YWHAZ: variants seen among roughly 807,000 people sequenced by gnomAD.
YWHAZ encodes the protein 14-3-3 protein zeta/delta.
For missense variants in YWHAZ, 79 were observed against 284.8 expected, an observed-to-expected ratio of 0.28 and a Z score of 5.20; for synonymous variants, 87 against 103.6, an observed-to-expected ratio of 0.84 and a Z score of 0.97.
At chr8:100,949,597 C>A (rs1810557157) in intron 1 of YWHAZ, among the ~76,000 whole-genome samples, 1 of 152,176 alleles carries the variant, frequency 6.6e-6, no homozygotes, top group Admixed American at 6.5e-5. Context: ...TATATGTCCA[C>A]ATGCTTTAAA....
At position 100,948,614 on chromosome 8, in the gene YWHAZ, A is replaced by C; in HGVS notation, c.276T>G (p.Asp92Glu). 1.2e-6 allele frequency: 2 copies of C among 1,611,372 alleles called. No homozygotes were observed. Among genetic ancestry groups the C allele is most frequent in the Non-Finnish European group, 1.7e-6 (2 of 1,179,824 alleles). ...TTCTCACCAGTACATCATTGCAGATATCTCTTAGCTCCGTCTCAATTTTCT... is the reference window on the plus strand; with the variant it reads ...TTCTCACCAGTACATCATTGCAGATCTCTCTTAGCTCCGTCTCAATTTTCT... The part of the protein sequence containing the change: ...YREKIETELR[D>E]ICNDVLSLLE... Residue 92 changes from aspartate (D) to glutamate (E), a missense_variant, in exon 2 of 6, where the codon GAT becomes GAG. Transcript: ENST00000395958. This position sits in a 1 kb window ranked among gnomAD's most constrained non-coding sequence, Gnocchi z 4.2.
At chr8:100,930,449 T>C (rs1430117126) in intron 2 of YWHAZ, among the ~76,000 whole-genome samples, 3 of 152,176 alleles carry the variant, frequency 2.0e-5, no homozygotes, top group East Asian at 3.8e-4. Flanking sequence ...ACTTGTAAAA[T>C]TTTTCAATTA....
chr8:100,941,774 G>GA (rs1359282157), intron 2 of YWHAZ, among the ~76,000 whole-genome samples: 4 of 145,082 alleles, frequency 2.8e-5, no homozygotes, highest in African/African-American at 1.0e-4. Context: ...GACAAGGTGA[G>GA]ACTGCTATCT....
chr8:100,947,471 T>C lies in YWHAZ; in HGVS notation c.294+1125A>G, dbSNP rs556486682. Among the ~76,000 whole-genome samples the C allele has an allele frequency of 2.6e-5, 4 of 152,064 alleles. No homozygotes were observed. In the East Asian group the frequency reaches 5.8e-4, roughly 22 times the overall value. On this transcript the variant is annotated intron_variant, in intron 2 of 5. Transcript: ENST00000395958. Reference sequence around the variant, plus strand: ...TTGAGTTTGTGGCTGTGAACCCAAATAAGCATGTTTAAAAAATCACTATTC... The same window carrying C: ...TTGAGTTTGTGGCTGTGAACCCAAACAAGCATGTTTAAAAAATCACTATTC...
intron 2 of YWHAZ, among the ~76,000 whole-genome samples, chr8:100,941,423 A>C (rs888987883): frequency 6.6e-6 from 1 of 152,240 alleles, no homozygotes; most frequent in African/African-American, 2.4e-5. Context: ...GTTCCTTGGT[A>C]TAACGCTAAT....
At chr8:100,925,942 C>A (rs1457784261) in intron 2 of YWHAZ, among the ~76,000 whole-genome samples, 1 of 151,872 alleles carries the variant, frequency 6.6e-6, no homozygotes, top group Admixed American at 6.6e-5. Flanking sequence ...AGCAAAAAAA[C>A]CCCAACCACC....
chr8:100,947,268 A>AC (rs1413172652), intron 2 of YWHAZ, among the ~76,000 whole-genome samples: 62 of 151,482 alleles, frequency 4.1e-4, no homozygotes, highest in African/African-American at 1.5e-3. Context: ...AAAAAAAAAA[A>AC]CAAAAAACAA....
chr8:100,951,279 G>A (rs941892715), intron 1 of YWHAZ: 2 of 984,666 alleles, frequency 2.0e-6, no homozygotes, highest in Non-Finnish European at 2.4e-6. Context: ...GCCCGCTCTC[G>A]GCCAGGCCTT....
chr8:100,942,794 A>G (rs1452682666), intron 2 of YWHAZ, among the ~76,000 whole-genome samples: 1 of 152,242 alleles, frequency 6.6e-6, no homozygotes, highest in African/African-American at 2.4e-5. Flanking sequence ...TCAGCATTTT[A>G]GAAAGATTAG....
intron 2 of YWHAZ, among the ~76,000 whole-genome samples, chr8:100,934,538 T>G (rs967651097): frequency 2.0e-5 from 3 of 151,710 alleles, no homozygotes; most frequent in African/African-American, 7.3e-5. Flanking sequence ...CCGTCTCTAC[T>G]AAAAATACAA....
At chr8:100,942,748 AT>A (rs1437842443) in intron 2 of YWHAZ, among the ~76,000 whole-genome samples, 3 of 152,212 alleles carry the variant, frequency 2.0e-5, no homozygotes, top group African/African-American at 7.2e-5. Context: ...CTTGCAGGGA[AT>A]TCTGGCAAGG....
intron 2 of YWHAZ, among the ~76,000 whole-genome samples, chr8:100,934,150 C>CTA (rs1312729971): frequency 5.4e-5 from 2 of 37,354 alleles, no homozygotes; most frequent in Non-Finnish European, 4.4e-5. Context: ...CAAAGCTAGA[C>CTA]TCGTCTCAAA....
At chr8:100,952,091 C>A (rs1810835913), upstream of YWHAZ, 4 of 987,062 alleles carry the variant, frequency 4.1e-6, no homozygotes, top group Admixed American at 6.1e-5. Flanking sequence ...CCAGCCCCGG[C>A]AGCAGGGGCA....
rs59814993 is a variant in YWHAZ, at chr8:100,941,488, T to TA, written c.294+7107dup. Reference sequence around the variant, plus strand: ...TTGCAAGTTAGAAATTAACTGCCACTAAAAAACATTTCTAGGCCGGGTATG... The same window carrying TA: ...TTGCAAGTTAGAAATTAACTGCCACTAAAAAAACATTTCTAGGCCGGGTATG... On this transcript the variant is annotated intron_variant, in intron 2 of 5. Coordinates refer to ENST00000395958, the MANE Select transcript of YWHAZ (RefSeq NM_145690.3). Among the ~76,000 whole-genome samples, 147 of 152,270 alleles carry TA rather than the reference T, an allele frequency of 9.7e-4. 1 individual carries two copies. Among genetic ancestry groups the TA allele is most frequent in the African/African-American group, 3.4e-3 (143 of 41,554 alleles).
At chr8:100,945,446 A>G (rs1022357700) in intron 2 of YWHAZ, among the ~76,000 whole-genome samples, 1 of 152,198 alleles carries the variant, frequency 6.6e-6, no homozygotes, top group Non-Finnish European at 1.5e-5. Flanking sequence ...TCTGGTTATC[A>G]CTAATGCCAC....
intron 2 of YWHAZ, among the ~76,000 whole-genome samples, chr8:100,928,918 G>C (rs1448315084): frequency 6.6e-6 from 1 of 152,072 alleles, no homozygotes; most frequent in Non-Finnish European, 1.5e-5. Context: ...TAGCAAGAGG[G>C]AAGATTTCTG....
rs533943389 is a variant in YWHAZ, at chr8:100,952,019, T to A, written c.-102A>T. The A allele has an allele frequency of 2.4e-5, 24 of 995,770 alleles. No individual in the cohort carries two copies. In the East Asian group the frequency reaches 1.3e-3, roughly 55 times the overall value. The allele number at this position is 995,770 out of a possible 1,614,324, so 61.7% of individuals were successfully genotyped here. A position where few individuals can be genotyped will look rare whatever the true frequency, so the allele number is the denominator to read the frequency against. On this transcript the variant is annotated 5_prime_UTR_variant, in exon 1 of 6. Transcript: ENST00000395958. ...CAGCAGCGGCGAGGCTGAGACTCTG[T>A]CCCTGGATCTCGCTGCTCACAGGCT... is the stretch of plus-strand genomic sequence containing the variant.
rs1812864397 is a variant in YWHAZ, at chr8:100,919,281, A to T, written c.*1412T>A. On this transcript the variant is annotated 3_prime_UTR_variant, in exon 6 of 6. Coordinates refer to ENST00000395958, the MANE Select transcript of YWHAZ (RefSeq NM_145690.3). ...AAAATTGAAGGCAGGCTATAAGAGT[A>T]TCAAGAAATTCTTAAAAACCAAAAA... The T allele has an allele frequency of 2.6e-5, 4 of 152,694 alleles. No homozygotes were observed. The highest frequency in any genetic ancestry group is 2.0e-4 in the Admixed American group (3 of 15,286). The allele number at this position is 152,694 out of a possible 1,614,324, so 9.5% of individuals were successfully genotyped here.
chr8:100,948,785 T>C lies in YWHAZ; in HGVS notation c.105A>G (p.Glu35=), dbSNP rs2130363361. The C allele has an allele frequency of 1.3e-6, 2 of 1,599,742 alleles. No individual in the cohort carries two copies. The highest frequency in any genetic ancestry group is 1.7e-6 in the Non-Finnish European group (2 of 1,179,942). ...CMKSVTEQGA[E]LSNEERNLLS... is the part of the protein sequence containing the mutation. ...GAAGATTCCTCTCCTCATTGGATAA[T>C]TCAGCTCCTTGCTCAGTTACAGACT... The change falls in exon 2 of 6, where the codon GAA becomes GAG. Residue 35 remains glutamate (E), a synonymous_variant. Transcript: ENST00000395958. The surrounding 1 kb of genome is among the most constrained non-coding windows in gnomAD (Gnocchi z 4.2).
Sources: gnomAD v4.1 joint callset for allele counts (sites outside exome capture counted in the v4.1 genomes callset) on GRCh38, gnomAD v4.1.1 for gene constraint, Gnocchi (gnomAD v3.1) non-coding constraint, MANE v1.5 for transcripts, NCBI Gene and HGNC (gene_info 2026-07-23, HGNC 2026-07-21) for gene names.